SEPTIN9: variants seen among roughly 807,000 people sequenced by gnomAD.
The protein encoded by SEPTIN9 is septin 9, also known as septin-9.
A neutral mutation model predicts 56.6 loss-of-function variants in SEPTIN9; 13 were observed. The observed-to-expected ratio is 0.23, with a 90% CI of 0.15 to 0.37. The LOEUF is 0.37. Ranked by LOEUF, SEPTIN9 falls within the 10% of genes least tolerant of loss-of-function variation. The pLI, the probability that SEPTIN9 is intolerant of heterozygous loss-of-function variation, is 1.00. For synonymous variants in SEPTIN9, 332 were observed against 334.1 expected, an observed-to-expected ratio of 0.99 and a Z score of 0.07; for missense variants, 650 against 823.1, an observed-to-expected ratio of 0.79 and a Z score of 2.57.
chr17:77,374,088 G>A (rs962330410), intron 2 of SEPTIN9: 1 of 153,844 alleles, frequency 6.5e-6, no homozygotes, highest in Non-Finnish European at 1.4e-5. Context: ...TTTCGGGGCC[G>A]CCAAGTTGTG....
intron 2 of SEPTIN9, among the ~76,000 whole-genome samples, chr17:77,314,669 C>G (rs958375692): frequency 6.6e-6 from 1 of 152,208 alleles, no homozygotes; most frequent in African/African-American, 2.4e-5. Context: ...GCGCAGCACC[C>G]TTCCCCAGTG....
chr17:77,465,408 G>A (rs781632952), intron 3 of SEPTIN9, among the ~76,000 whole-genome samples: 2 of 152,220 alleles, frequency 1.3e-5, no homozygotes, highest in Admixed American at 6.5e-5. Flanking sequence ...TCTGCTGAGG[G>A]ACCCAGGCCT....
rs766969712 is a variant in SEPTIN9, at chr17:77,355,981, C to CAAAAAAAAAAAAAA, written c.77-46075_77-46062dup. Among the ~76,000 whole-genome samples the CAAAAAAAAAAAAAA allele has an allele frequency of 2.6e-4, 24 of 92,358 alleles. No homozygotes were observed. The South Asian group carries it at 3.2e-3, about 12-fold the overall frequency. 60.6% of individuals were successfully genotyped at this position (92,358 alleles called of 152,430 possible). The stretch of plus-strand genomic sequence containing the variant: ...TGGGCGACAGAGCGAGACTCCGTCT[C>CAAAAAAAAAAAAAA]AAAAAAAAAAAAAAAATGAAGTGCT... On this transcript the variant is annotated intron_variant, in intron 2 of 11. Transcript: ENST00000427177.
Position 77,430,852 on chromosome 17 carries a change from A to G in SEPTIN9, c.721+28149A>G, listed in dbSNP as rs532255188. On this transcript the variant is annotated intron_variant, in intron 3 of 11. Coordinates refer to ENST00000427177, the MANE Select transcript of SEPTIN9 (RefSeq NM_001113491.2). ...CTGAAAATACAAAAATTAGCCAGGT[A>G]TGGTGGTGCACGCTTGTAATCCCAG... is the stretch of plus-strand genomic sequence containing the variant. 5.3e-5 allele frequency among the ~76,000 whole-genome samples: 8 copies of G among 152,194 alleles called. No homozygotes were observed. The South Asian group carries it at 1.0e-3, about 20-fold the overall frequency.
intron 2 of SEPTIN9, among the ~76,000 whole-genome samples, chr17:77,383,582 C>T (rs536635996): frequency 6.6e-6 from 1 of 152,358 alleles, no homozygotes; most frequent in South Asian, 2.1e-4. Context: ...ACCCTGGGGT[C>T]TGACGGGGGC....
intron 2 of SEPTIN9, among the ~76,000 whole-genome samples, chr17:77,358,423 C>T (rs1568012428): frequency 6.6e-6 from 1 of 152,120 alleles, no homozygotes; most frequent in Non-Finnish European, 1.5e-5. Context: ...GAGTTCAAGA[C>T]CAGCCTGGCC....
rs1459548666 is a variant in SEPTIN9 at position 77,327,498 on chromosome 17, C to T, written c.76+20301C>T. ...CACCCTGACTTGGAGCCTGAGGGTC[C>T]CTGAGGGGGTCCTGAAGGCCAGGGC... On this transcript the variant is annotated intron_variant, in intron 2 of 11. Coordinates refer to ENST00000427177, the MANE Select transcript of SEPTIN9 (RefSeq NM_001113491.2). This position sits in a 1 kb window ranked among gnomAD's most constrained non-coding sequence, Gnocchi z 5.0. Among the ~76,000 whole-genome samples the T allele has an allele frequency of 6.6e-6, 1 of 152,188 alleles. No individual in the cohort carries two copies. The highest frequency in any genetic ancestry group is 1.5e-5 in the Non-Finnish European group (1 of 68,024).
chr17:77,493,018 G>C lies in SEPTIN9; in HGVS notation c.1515G>C (p.Glu505Asp). ...IPFAVVGSDH[E>D]YQVNGKRILG... Reference sequence around the variant, plus strand: ...TTGCTGTGGTGGGCAGTGACCACGAGTACCAGGTCAACGGCAAGAGGATCC... The same window carrying C: ...TTGCTGTGGTGGGCAGTGACCACGACTACCAGGTCAACGGCAAGAGGATCC... The change falls in exon 10 of 12, where the codon GAG (glutamate) becomes GAC (aspartate). Residue 505 changes from glutamate (E) to aspartate (D), a missense_variant. Physicochemically the swap from Glu to Asp is conservative, Grantham distance 45. Transcript: ENST00000427177. 1 of 1,570,810 alleles carries C rather than the reference G, an allele frequency of 6.4e-7. No homozygotes were observed. Among genetic ancestry groups the C allele is most frequent in the Non-Finnish European group, 8.6e-7 (1 of 1,158,336 alleles).
rs1039935685 is a variant in SEPTIN9 at position 77,319,903 on chromosome 17, G to C, written c.76+12706G>C. ...GCGGGGGCTGGAGGAGGTGGAGAGA[G>C]GAGGCTGCCGGAAGCCGCACTCGGG... On this transcript the variant is annotated intron_variant, in intron 2 of 11. Coordinates refer to ENST00000427177, the MANE Select transcript of SEPTIN9 (RefSeq NM_001113491.2). This position sits in a 1 kb window ranked among gnomAD's most constrained non-coding sequence, Gnocchi z 5.3. 1 of 1,104,104 alleles carries C rather than the reference G, an allele frequency of 9.1e-7. No homozygotes were observed. The highest frequency in any genetic ancestry group is 1.1e-6 in the Non-Finnish European group (1 of 903,606). The allele number at this position is 1,104,104 out of a possible 1,614,324, so 68.4% of individuals were successfully genotyped here.
rs755992653 is a variant in SEPTIN9, at chr17:77,482,181, C to T, written c.759C>T (p.Ala253=). The change falls in exon 4 of 12, where the codon GCC becomes GCT. Residue 253 remains alanine (A), a synonymous_variant. Transcript: ENST00000427177. ...CTCCCAGCTGCGTTGGCGACATGGC[C>T]GACACCCCCAGAGATGCCGGGCTCA... is the stretch of plus-strand genomic sequence containing the variant. ...EAAPSCVGDM[A]DTPRDAGLKQ... is the part of the protein sequence containing the mutation. The T allele has an allele frequency of 3.7e-6, 6 of 1,603,836 alleles. No homozygotes were observed. Among genetic ancestry groups the T allele is most frequent in the Middle Eastern group, 1.7e-4 (1 of 6,018 alleles).
rs760840158 is a variant in SEPTIN9, at chr17:77,327,893, C to T, written c.76+20696C>T. Among the ~76,000 whole-genome samples, 7 of 152,304 alleles carry T rather than the reference C, an allele frequency of 4.6e-5. No individual in the cohort carries two copies. Among genetic ancestry groups the T allele is most frequent in the East Asian group, 1.9e-4 (1 of 5,186 alleles). On this transcript the variant is annotated intron_variant, in intron 2 of 11. Coordinates refer to ENST00000427177, the MANE Select transcript of SEPTIN9 (RefSeq NM_001113491.2). The surrounding 1 kb of genome is among the most constrained non-coding windows in gnomAD (Gnocchi z 5.0). Reference sequence around the variant, plus strand: ...GGAACAGACGGGTGTGATGGGGCTGCGGGGTTTCAGGTGGCAGGAGGCGTC... The same window carrying T: ...GGAACAGACGGGTGTGATGGGGCTGTGGGGTTTCAGGTGGCAGGAGGCGTC...
chr17:77,474,317 G>A (rs946214177), intron 3 of SEPTIN9, among the ~76,000 whole-genome samples: 1 of 152,248 alleles, frequency 6.6e-6, no homozygotes, highest in African/African-American at 2.4e-5. Flanking sequence ...AGAGCCATAG[G>A]CAGGCCTGAG....
At chr17:77,314,485 GAA>G (rs2032625666) in intron 2 of SEPTIN9, among the ~76,000 whole-genome samples, 1 of 151,620 alleles carries the variant, frequency 6.6e-6, no homozygotes, top group Admixed American at 6.6e-5. Flanking sequence ...CACCCAGCAG[GAA>G]AAGTCACTTT....
In SEPTIN9 at chr17:77,499,384, A is replaced by C. The variant is rs1470764544; in HGVS notation, c.*726A>C. 1.8e-6 allele frequency: 1 copy of C among 551,828 alleles called. No individual in the cohort carries two copies. 34.2% of individuals were successfully genotyped at this position (551,828 alleles called of 1,614,324 possible). On this transcript the variant is annotated 3_prime_UTR_variant, in exon 12 of 12. Coordinates refer to ENST00000427177, the MANE Select transcript of SEPTIN9 (RefSeq NM_001113491.2). The stretch of plus-strand genomic sequence containing the variant: ...CTCCCTGCCATCCCCCTCTCACGCC[A>C]CCCCCGCCCCCACCGGGCTGCAGGT...
intron 2 of SEPTIN9, among the ~76,000 whole-genome samples, chr17:77,344,184 CA>C (rs60905002): frequency 0.55 from 82,703 of 151,620 alleles, 23,387 homozygotes; most frequent in East Asian, 0.99. Context: ...AGCCACAAAA[CA>C]AAAAAAAACA....
intron 3 of SEPTIN9, among the ~76,000 whole-genome samples, chr17:77,439,654 T>C (rs1362499140): frequency 6.6e-6 from 1 of 152,118 alleles, no homozygotes; most frequent in Non-Finnish European, 1.5e-5. Context: ...CTGTGATCTT[T>C]CTGTCCTGGA....
At chr17:77,392,819 G>A (rs1231571161) in intron 2 of SEPTIN9, among the ~76,000 whole-genome samples, 1 of 152,132 alleles carries the variant, frequency 6.6e-6, no homozygotes, top group Non-Finnish European at 1.5e-5. Flanking sequence ...AACAAATGTG[G>A]CTCTCTGTGG....
At chr17:77,496,535 C>T (rs543090203) in intron 10 of SEPTIN9, among the ~76,000 whole-genome samples, 3 of 152,280 alleles carry the variant, frequency 2.0e-5, no homozygotes, top group Admixed American at 6.5e-5. Context: ...TGCCAGGCAC[C>T]GCGTGTTCAT....
rs1223695202 is a variant in SEPTIN9, at chr17:77,436,358, C to T, written c.721+33655C>T. On this transcript the variant is annotated intron_variant, in intron 3 of 11. Transcript: ENST00000427177. The surrounding 1 kb of genome is among the most constrained non-coding windows in gnomAD (Gnocchi z 4.4). ...ACTTCTGCAGCCCAGCTGTTCAGAG[C>T]GGATCCAGAAGGTGGAGAGAGGGTT... 1.3e-5 allele frequency among the ~76,000 whole-genome samples: 2 copies of T among 152,162 alleles called. No homozygotes were observed. Among genetic ancestry groups the T allele is most frequent in the South Asian group, 2.1e-4 (1 of 4,832 alleles).
Sources: gnomAD v4.1 joint callset for allele counts (sites outside exome capture counted in the v4.1 genomes callset) on GRCh38, gnomAD v4.1.1 for gene constraint, Gnocchi (gnomAD v3.1) non-coding constraint, MANE v1.5 for transcripts, NCBI Gene and HGNC (gene_info 2026-07-23, HGNC 2026-07-21) for gene names.